Variants in DZIP1 observed in about 807,000 individuals in gnomAD.
DZIP1 encodes the protein cilium assembly protein DZIP1.
Under a neutral mutation model 107.6 loss-of-function variants are expected in DZIP1, and 97 were observed. The ratio of observed to expected loss-of-function variants is 0.90; its 90% CI spans 0.77 to 1.07. DZIP1 has a LOEUF of 1.07. DZIP1 is among the 50% of genes least tolerant of loss of function. DZIP1 has a pLI of 0.00. For missense variants in DZIP1, 1,035 were observed against 1,063.6 expected (o/e 0.97, Z 0.37); for synonymous variants, 390 against 386.4 (o/e 1.01, Z -0.11).
At chr13:95,621,597 C>A (rs901684137) in intron 9 of DZIP1, among the ~76,000 whole-genome samples, 1 of 151,704 alleles carries the variant, frequency 6.6e-6, no homozygotes, top group East Asian at 1.9e-4. Flanking sequence ...TCCCCTAAAC[C>A]GCTGTCACTT....
intron 5 of DZIP1, among the ~76,000 whole-genome samples, chr13:95,634,485 T>C (rs1414250209): frequency 6.6e-6 from 1 of 152,222 alleles, no homozygotes; most frequent in African/African-American, 2.4e-5. Flanking sequence ...GAACACAGGC[T>C]TAATATATGA....
Position 95,612,043 on chromosome 13 carries a change from T to C in DZIP1, c.1308A>G (p.Arg436=). 4 of 1,613,526 alleles carry C rather than the reference T, an allele frequency of 2.5e-6. No individual in the cohort carries two copies. The highest frequency in any genetic ancestry group is 2.5e-6 in the Non-Finnish European group (3 of 1,179,968). ...ACACTGCCGCCAGACATACCTGCTG[T>C]CTCTGAGTTATAATCAGCTCATTCT... ...QEQNELIITQ[R]QQIKDFTCNP... Residue 436 remains arginine, a synonymous_variant, in exon 11 of 23, where the codon AGA becomes AGG. Transcript: ENST00000376829.
intron 13 of DZIP1, among the ~76,000 whole-genome samples, chr13:95,608,074 T>A (rs1009142466): frequency 3.3e-5 from 5 of 152,216 alleles, no homozygotes; most frequent in African/African-American, 1.2e-4. Context: ...CCTTGGCTTT[T>A]AGATCCTTTT....
At position 95,622,371 on chromosome 13, in the gene DZIP1, T is replaced by G; in HGVS notation, c.1082A>C (p.His361Pro). 6.2e-7 allele frequency: 1 copy of G among 1,614,218 alleles called. No individual in the cohort carries two copies. Among genetic ancestry groups the G allele is most frequent in the African/African-American group, 1.3e-5 (1 of 75,068 alleles). ...ACTATCAAGAAGCTGCATGACATTATGGAAATCCTGGGGATATGGAGAACG... is the reference window on the plus strand; with the variant it reads ...ACTATCAAGAAGCTGCATGACATTAGGGAAATCCTGGGGATATGGAGAACG... ...EDRSPYPQDF[H>P]NVMQLLDSQE... Residue 361 changes from histidine (H) to proline (P), a missense_variant, in exon 9 of 23, where the codon CAT (histidine) becomes CCT (proline). Transcript: ENST00000376829.
intron 5 of DZIP1, among the ~76,000 whole-genome samples, chr13:95,640,000 T>TTA (rs199610564): frequency 0.033 from 2,043 of 62,692 alleles, 42 homozygotes; most frequent in African/African-American, 0.062. Context: ...TTTTATTTAT[T>TTA]TTTTTTTTTT....
intron 2 of DZIP1, 149 bp from the exon 3 acceptor site, chr13:95,643,406 A>G (rs1878754004): frequency 6.6e-6 from 1 of 152,224 alleles, no homozygotes; most frequent in Non-Finnish European, 1.5e-5. Context: ...TAAAACACGC[A>G]CTTCATATGG....
In DZIP1 at chr13:95,589,926, C is replaced by T; in HGVS notation, c.1850G>A (p.Cys617Tyr). The T allele has an allele frequency of 1.2e-6, 2 of 1,613,678 alleles. No homozygotes were observed. Among genetic ancestry groups the T allele is most frequent in the East Asian group, 2.2e-5 (1 of 44,872 alleles). ...EEKALLSSDQ[C>Y]SVSQMDTLST... is the part of the protein sequence containing the mutation. ...AAGGGTATCCATTTGAGAAACACTG[C>T]ACTGATCTGGAATATAGTGTCATTC... is the stretch of plus-strand genomic sequence containing the variant. Residue 617 changes from cysteine to tyrosine, a missense_variant, in exon 18 of 23, where the codon TGC becomes TAC. Physicochemically the swap from Cys to Tyr is radical, Grantham distance 194. Coordinates refer to ENST00000376829, the MANE Select transcript of DZIP1 (RefSeq NM_198968.4).
At chr13:95,593,794 A>AC (rs2044372786) in intron 16 of DZIP1, 150 bp downstream of exon 16, 1 of 840,542 alleles carries the variant, frequency 1.2e-6, no homozygotes, top group African/African-American at 1.8e-5. Context: ...AATGCTATTC[A>AC]AGTGTTTGAT....
rs1373897536 is a variant in DZIP1 at position 95,627,570 on chromosome 13, C to T, written c.810+2419G>A. On this transcript the variant is annotated intron_variant, in intron 7 of 22. Transcript: ENST00000376829. ...CATTGGTTGTTAAGGAAATACAAATCAAACTCCGATGAGATACCACTTCCC... is the reference window on the plus strand; with the variant it reads ...CATTGGTTGTTAAGGAAATACAAATTAAACTCCGATGAGATACCACTTCCC... Among the ~76,000 whole-genome samples, 3 of 152,182 alleles carry T rather than the reference C, an allele frequency of 2.0e-5. No homozygotes were observed. In the South Asian group the frequency reaches 6.2e-4, roughly 31 times the overall value.
chr13:95,593,311 T>TGCCC (rs1436211490), intron 16 of DZIP1, among the ~76,000 whole-genome samples: 1 of 152,240 alleles, frequency 6.6e-6, no homozygotes, highest in African/African-American at 2.4e-5. Context: ...TCCACGTGTG[T>TGCCC]GCCCATGCAT....
chr13:95,594,046 AT>A lies in DZIP1; in HGVS notation c.1577del (p.His526LeufsTer2). ...NEQKLNNNKM[H>X]LRKALKSNSS... ...AGTTACTCTTCAAAGCTTTCCTTAA[AT>A]GCATTTTGTTGTTATTTAATTTCTG... On this transcript the variant is annotated frameshift_variant, in exon 16 of 23. Transcript: ENST00000376829. LOFTEE classifies it high-confidence loss of function. 6.2e-7 allele frequency: 1 copy of A among 1,609,560 alleles called. No homozygotes were observed. Among genetic ancestry groups the A allele is most frequent in the Non-Finnish European group, 8.5e-7 (1 of 1,177,902 alleles).
At position 95,611,516 on chromosome 13, in the gene DZIP1, A is replaced by G. The variant is rs1484374605; in HGVS notation, c.1315-23T>C. On this transcript the variant is annotated intron_variant, in intron 11 of 22. Coordinates refer to ENST00000376829, the MANE Select transcript of DZIP1 (RefSeq NM_198968.4). Reference sequence around the variant, plus strand: ...AATCTGCAAAGAAATACAGTCTTCTAGTGATACATTTGAAATTAGATAGGG... The same window carrying G: ...AATCTGCAAAGAAATACAGTCTTCTGGTGATACATTTGAAATTAGATAGGG... 3.2e-6 allele frequency: 5 copies of G among 1,581,540 alleles called. No homozygotes were observed. In the South Asian group the frequency reaches 5.5e-5, roughly 18 times the overall value.
chr13:95,635,641 G>T (rs186198879), intron 5 of DZIP1, among the ~76,000 whole-genome samples: 68 of 152,096 alleles, frequency 4.5e-4, no homozygotes, highest in African/African-American at 1.5e-3. Flanking sequence ...ATAGGCTCTC[G>T]GGCTGTGTAC....
At position 95,592,587 on chromosome 13, in the gene DZIP1, T is replaced by C. The variant is rs555765520; in HGVS notation, c.1680+1357A>G. Among the ~76,000 whole-genome samples, 33 of 152,350 alleles carry C rather than the reference T, an allele frequency of 2.2e-4. 1 individual carries two copies. In the South Asian group the frequency reaches 6.6e-3, roughly 31 times the overall value. ...TGGAAAACTATTTGGCAACAGCTAC[T>C]GTACTAAACATATGCCTACCCTTTG... On this transcript the variant is annotated intron_variant, in intron 16 of 22. Transcript: ENST00000376829.
At chr13:95,626,825 A>G (rs903097939) in intron 7 of DZIP1, among the ~76,000 whole-genome samples, 35 of 152,208 alleles carry the variant, frequency 2.3e-4, no homozygotes, top group African/African-American at 8.0e-4. Context: ...AAAAGGTGAA[A>G]AAGACTTGTA....
intron 9 of DZIP1, among the ~76,000 whole-genome samples, chr13:95,620,958 A>G (rs1177518015): frequency 6.6e-6 from 1 of 152,166 alleles, no homozygotes; most frequent in Non-Finnish European, 1.5e-5. Flanking sequence ...CAGGCACCTC[A>G]CTGGATGGCC....
Position 95,642,082 on chromosome 13 carries a change from C to G in DZIP1, c.-53G>C. The G allele has an allele frequency of 6.7e-7, 1 of 1,484,114 alleles. No individual in the cohort carries two copies. The highest frequency in any genetic ancestry group is 8.9e-7 in the Non-Finnish European group (1 of 1,126,756). 91.9% of individuals were successfully genotyped at this position (1,484,114 alleles called of 1,614,324 possible). On this transcript the variant is annotated 5_prime_UTR_variant, in exon 4 of 23. Coordinates refer to ENST00000376829, the MANE Select transcript of DZIP1 (RefSeq NM_198968.4). ...CCTGGGCCGCCTCCCGGGCCGCCGC[C>G]GCCACAGCCCTCAGGAGCGGGAGAA...
intron 22 of DZIP1, among the ~76,000 whole-genome samples, chr13:95,584,287 AAAAT>A (rs1288473405): frequency 2.7e-5 from 2 of 75,418 alleles, no homozygotes; most frequent in Non-Finnish European, 5.3e-5. Context: ...AAAAAAAAAA[AAAAT>A]AAAAGAATAC....
rs1349788258 is a variant in DZIP1, at chr13:95,590,315, T to C, written c.1807A>G (p.Ser603Gly). The change falls in exon 17 of 23, where the codon AGC becomes GGC. Residue 603 changes from serine to glycine, a missense_variant. Transcript: ENST00000376829. ...AGTGCTTTCTCCTCAATTTTACAGC[T>C]GACTTGATGTTCAAGGAATTCTCGA... ...QIREFLEHQV[S>G]CKIEEKALLS... The C allele has an allele frequency of 6.2e-7, 1 of 1,613,752 alleles. No homozygotes were observed. Among genetic ancestry groups the C allele is most frequent in the African/African-American group, 1.3e-5 (1 of 74,926 alleles).
Sources: allele counts gnomAD v4.1 joint callset (sites outside exome capture counted in the v4.1 genomes callset), GRCh38; gene constraint gnomAD v4.1.1; transcripts MANE v1.5; gene names NCBI Gene and HGNC (gene_info 2026-07-23, HGNC 2026-07-21).